DTD1: variants seen among roughly 807,000 people sequenced by gnomAD.
DTD1 encodes D-aminoacyl-tRNA deacylase 1, also known as D-tyrosyl-tRNA deacylase 1 homolog.
Under a neutral mutation model 25.6 loss-of-function variants are expected in DTD1, and 13 were observed. That is an observed-to-expected ratio of 0.51 (90% CI 0.33 to 0.81). The LOEUF (loss-of-function observed/expected upper bound fraction) is 0.81. DTD1 is among the 30% of genes least tolerant of loss of function. The pLI, the probability that DTD1 is intolerant of heterozygous loss-of-function variation, is 0.02. For missense variants in DTD1, 193 were observed against 266.4 expected (o/e 0.72, Z 1.92); for synonymous variants, 110 against 103.6 (o/e 1.06, Z -0.37).
intron 4 of DTD1, 123 bp from the exon 5 acceptor site, chr20:18,743,977 G>C: frequency 1.0e-6 from 1 of 991,942 alleles, no homozygotes; most frequent in South Asian, 1.7e-5. Context: ...GAACCACTGT[G>C]CTCTGCCAGG....
chr20:18,645,211 ATAGG>A (rs1306863786), intron 4 of DTD1, among the ~76,000 whole-genome samples: 5 of 152,188 alleles, frequency 3.3e-5, no homozygotes, highest in Non-Finnish European at 7.3e-5. Context: ...TTCTATAAAG[ATAGG>A]TAGATAGATG....
At chr20:18,736,674 T>C (rs2061256648) in intron 4 of DTD1, among the ~76,000 whole-genome samples, 1 of 152,096 alleles carries the variant, frequency 6.6e-6, no homozygotes, top group Non-Finnish European at 1.5e-5. Flanking sequence ...GAGCCTCTGT[T>C]TTTTTCTTCC....
rs2061165571 is a variant in DTD1 at position 18,713,027 on chromosome 20, C to A, written c.478-31073C>A. Among the ~76,000 whole-genome samples, 8 of 152,372 alleles carry A rather than the reference C, an allele frequency of 5.3e-5. No homozygotes were observed. In the South Asian group the frequency reaches 1.7e-3, roughly 32 times the overall value. On this transcript the variant is annotated intron_variant, in intron 4 of 5. Transcript: ENST00000377452. ...CTGTCCTGGGTTTCCACTTTCCCAG[C>A]CTTCCTTCTTCCTTTGGCCTTGGCC...
rs554625048 is a variant in DTD1, at chr20:18,654,331, C to T, written c.477+26098C>T. The stretch of plus-strand genomic sequence containing the variant: ...CCACCATGTGAGATGTGCCTTTGTT[C>T]CTTCCACTTCTGCCATGATTGTGAG... On this transcript the variant is annotated intron_variant, in intron 4 of 5. Coordinates refer to ENST00000377452, the MANE Select transcript of DTD1 (RefSeq NM_080820.6). Among the ~76,000 whole-genome samples the T allele has an allele frequency of 7.9e-5, 12 of 152,292 alleles. No individual in the cohort carries two copies. The East Asian group carries it at 1.9e-3, about 24-fold the overall frequency.
intron 4 of DTD1, among the ~76,000 whole-genome samples, chr20:18,743,728 G>T (rs2061288382): frequency 6.6e-6 from 1 of 150,852 alleles, no homozygotes; most frequent in South Asian, 2.1e-4. Context: ...ACAAGTAGAA[G>T]GTAACTTGAT....
intron 4 of DTD1, among the ~76,000 whole-genome samples, chr20:18,648,707 C>T (rs1046740807): frequency 6.6e-6 from 1 of 151,858 alleles, no homozygotes; most frequent in Non-Finnish European, 1.5e-5. Context: ...AGATTATTGG[C>T]GTGAATTTTA....
intron 4 of DTD1, among the ~76,000 whole-genome samples, chr20:18,648,676 C>G (rs530275128): frequency 6.6e-6 from 1 of 151,934 alleles, no homozygotes; most frequent in Non-Finnish European, 1.5e-5. Context: ...GTCATTATAA[C>G]CAAGGACAAA....
intron 3 of DTD1, among the ~76,000 whole-genome samples, chr20:18,623,874 C>CTGTGGGTGTGTGTGTG (rs2060746111): frequency 7.0e-6 from 1 of 143,626 alleles, no homozygotes; most frequent in Non-Finnish European, 1.5e-5. Context: ...ACAAGAAGAA[C>CTGTGGGTGTGTGTGTG]TGTGTGTGTG....
At chr20:18,656,524 C>T (rs1339646959) in intron 4 of DTD1, among the ~76,000 whole-genome samples, 1 of 152,218 alleles carries the variant, frequency 6.6e-6, no homozygotes, top group Admixed American at 6.5e-5. Context: ...CACATCACCT[C>T]TGCTCATGTT....
chr20:18,724,595 C>T (rs1324747532), intron 4 of DTD1, among the ~76,000 whole-genome samples: 1 of 152,068 alleles, frequency 6.6e-6, no homozygotes, highest in Non-Finnish European at 1.5e-5. Context: ...TAAAGATGGA[C>T]TATAATGTGT....
chr20:18,731,327 AC>A (rs767870428), intron 4 of DTD1, among the ~76,000 whole-genome samples: 2 of 152,166 alleles, frequency 1.3e-5, no homozygotes, highest in Non-Finnish European at 2.9e-5. Context: ...AATGACATGA[AC>A]TGATTTTTCT....
intron 4 of DTD1, among the ~76,000 whole-genome samples, chr20:18,733,265 G>T (rs1018148301): frequency 2.6e-5 from 4 of 152,178 alleles, no homozygotes; most frequent in African/African-American, 9.7e-5. Context: ...TTAACTTCTG[G>T]ACACTTCTGG....
intron 4 of DTD1, among the ~76,000 whole-genome samples, chr20:18,653,042 C>T (rs2060879714): frequency 1.3e-5 from 2 of 152,122 alleles, no homozygotes; most frequent in Non-Finnish European, 2.9e-5. Flanking sequence ...AGGGATCACC[C>T]AGCTGCAGCT....
chr20:18,649,285 G>A (rs1218030300), intron 4 of DTD1, among the ~76,000 whole-genome samples: 1 of 144,732 alleles, frequency 6.9e-6, no homozygotes, highest in African/African-American at 2.5e-5. Context: ...CAAGACTCGA[G>A]CGAGAAAGAC....
intron 4 of DTD1, among the ~76,000 whole-genome samples, chr20:18,693,584 G>A (rs1204954151): frequency 6.6e-6 from 1 of 151,870 alleles, no homozygotes; most frequent in African/African-American, 2.4e-5. Flanking sequence ...TTGAACCCAG[G>A]AGGCGGAGGT....
rs2061062332 is a variant in DTD1, at chr20:18,694,559, G to A, written c.478-49541G>A. Among the ~76,000 whole-genome samples the A allele has an allele frequency of 2.0e-5, 3 of 152,100 alleles. No individual in the cohort carries two copies. In the South Asian group the frequency reaches 6.2e-4, roughly 31 times the overall value. On this transcript the variant is annotated intron_variant, in intron 4 of 5. Coordinates refer to ENST00000377452, the MANE Select transcript of DTD1 (RefSeq NM_080820.6). ...GGTAACCTTTCATACTATAAAACTG[G>A]TTCGGAAGCTAATAAGCAACCTCAG...
At chr20:18,682,576 C>G (rs2061002060) in intron 4 of DTD1, among the ~76,000 whole-genome samples, 1 of 152,160 alleles carries the variant, frequency 6.6e-6, no homozygotes, top group Non-Finnish European at 1.5e-5. Flanking sequence ...TGGAACCTTC[C>G]TCCCTTAGCT....
intron 4 of DTD1, among the ~76,000 whole-genome samples, chr20:18,638,920 T>C (rs2060818641): frequency 6.6e-6 from 1 of 152,138 alleles, no homozygotes. Context: ...TTTCTGTCAG[T>C]GACTCATGTT....
chr20:18,639,573 G>T (rs1348574152), intron 4 of DTD1, among the ~76,000 whole-genome samples: 1 of 152,116 alleles, frequency 6.6e-6, no homozygotes, highest in African/African-American at 2.4e-5. Context: ...CGTGCCTCTT[G>T]CTGCTAGCTG....
Sources: gnomAD v4.1 joint callset for allele counts (sites outside exome capture counted in the v4.1 genomes callset) on GRCh38, gnomAD v4.1.1 for gene constraint, MANE v1.5 for transcripts, NCBI Gene and HGNC (gene_info 2026-07-23, HGNC 2026-07-21) for gene names.